The following MEI4 variants were observed in gnomAD, a reference collection of about 807,000 sequenced individuals.
The protein encoded by MEI4 is meiotic double-stranded break formation protein 4.
In MEI4, 27 loss-of-function variants were observed where a neutral mutation model predicts 31.4. That is an observed-to-expected ratio of 0.86 (90% CI 0.63 to 1.19). The LOEUF is 1.19. Among genes scored for constraint, MEI4 ranks in the 50% most tolerant of loss-of-function variants. The pLI is 0.00. For missense variants in MEI4, 329 were observed against 398.9 expected, an observed-to-expected ratio of 0.82 and a Z score of 1.49; for synonymous variants, 122 against 145.4, an observed-to-expected ratio of 0.84 and a Z score of 1.16.
intron 4 of MEI4, among the ~76,000 whole-genome samples, chr6:77,863,883 T>C (rs1361934946): frequency 1.3e-5 from 2 of 152,180 alleles, no homozygotes; most frequent in Admixed American, 6.6e-5. Context: ...GCTGATCTCT[T>C]GGCAGAAACT....
intron 4 of MEI4, among the ~76,000 whole-genome samples, chr6:77,860,893 T>G (rs1032487600): frequency 1.1e-4 from 16 of 152,156 alleles, no homozygotes; most frequent in Non-Finnish European, 1.3e-4. Context: ...AACGTGTTCC[T>G]CCCATTTCTG....
intron 2 of MEI4, among the ~76,000 whole-genome samples, chr6:77,745,281 C>T (rs2127674810): frequency 6.6e-6 from 1 of 152,118 alleles, no homozygotes. Flanking sequence ...GAAGACCTAC[C>T]AAGCAAATGG....
At chr6:77,914,202 A>G (rs1177644427) in intron 4 of MEI4, among the ~76,000 whole-genome samples, 1 of 151,292 alleles carries the variant, frequency 6.6e-6, no homozygotes, top group East Asian at 2.0e-4. Flanking sequence ...ATTGTTTGAA[A>G]TCTTTCTACC....
At chr6:77,692,967 T>A (rs973999045) in intron 2 of MEI4, among the ~76,000 whole-genome samples, 22 of 151,820 alleles carry the variant, frequency 1.4e-4, no homozygotes, top group African/African-American at 5.3e-4. Context: ...GAGCCATGAG[T>A]GTAGGTGGGA....
At chr6:77,735,428 G>T (rs548809216) in intron 2 of MEI4, among the ~76,000 whole-genome samples, 1 of 151,948 alleles carries the variant, frequency 6.6e-6, no homozygotes, top group African/African-American at 2.4e-5. Flanking sequence ...GATCGCATCG[G>T]CTCCTGAGGC....
intron 4 of MEI4, among the ~76,000 whole-genome samples, chr6:77,869,321 G>T (rs1231227424): frequency 6.6e-6 from 1 of 152,122 alleles, no homozygotes; most frequent in African/African-American, 2.4e-5. Flanking sequence ...ATATTCATAT[G>T]TCGAAGCCCT....
intron 2 of MEI4, among the ~76,000 whole-genome samples, chr6:77,702,229 G>A (rs908414818): frequency 3.3e-5 from 5 of 152,114 alleles, no homozygotes; most frequent in East Asian, 3.9e-4. Flanking sequence ...TGTTCCAGAC[G>A]ACGTACTGAG....
chr6:77,836,002 CA>C (rs1432759776), intron 4 of MEI4, among the ~76,000 whole-genome samples: 14 of 151,888 alleles, frequency 9.2e-5, no homozygotes, highest in African/African-American at 3.4e-4. Context: ...ATTATAAATA[CA>C]AAACATGACA....
intron 2 of MEI4, among the ~76,000 whole-genome samples, chr6:77,705,647 A>T (rs1309857584): frequency 6.6e-6 from 1 of 152,210 alleles, no homozygotes; most frequent in Non-Finnish European, 1.5e-5. Context: ...CCCAATGTGT[A>T]TGTGGGATCC....
intron 4 of MEI4, among the ~76,000 whole-genome samples, chr6:77,907,236 A>G (rs1271610003): frequency 6.6e-6 from 1 of 152,034 alleles, no homozygotes; most frequent in Non-Finnish European, 1.5e-5. Context: ...TGTTGCACCC[A>G]TTAACTCTTC....
intron 3 of MEI4, among the ~76,000 whole-genome samples, chr6:77,787,393 A>G (rs1768769226): frequency 6.6e-6 from 1 of 152,126 alleles, no homozygotes; most frequent in Non-Finnish European, 1.5e-5. Flanking sequence ...GGGACTATGC[A>G]TTATCCTTAC....
intron 2 of MEI4, among the ~76,000 whole-genome samples, chr6:77,733,753 T>C (rs944631824): frequency 6.6e-6 from 1 of 152,076 alleles, no homozygotes; most frequent in African/African-American, 2.4e-5. Context: ...CTGCTTTCTC[T>C]TGTGGGCATT....
At chr6:77,714,936 T>A (rs1205331206) in intron 2 of MEI4, among the ~76,000 whole-genome samples, 1 of 152,184 alleles carries the variant, frequency 6.6e-6, no homozygotes, top group Non-Finnish European at 1.5e-5. Context: ...AGAAATGCCT[T>A]TTTGCCTTGC....
chr6:77,885,184 T>C (rs1358217248), intron 4 of MEI4, among the ~76,000 whole-genome samples: 4 of 142,530 alleles, frequency 2.8e-5, no homozygotes, highest in African/African-American at 5.1e-5. Context: ...CTAGTGACTC[T>C]TTTTTTTTTT....
At chr6:77,730,801 C>T (rs947203577) in intron 2 of MEI4, among the ~76,000 whole-genome samples, 1 of 139,618 alleles carries the variant, frequency 7.2e-6, no homozygotes. Context: ...AAACAGTCCC[C>T]AGAGTGTGAT....
At chr6:77,823,622 T>C (rs1769878501) in intron 3 of MEI4, among the ~76,000 whole-genome samples, 2 of 152,174 alleles carry the variant, frequency 1.3e-5, no homozygotes, top group Non-Finnish European at 2.9e-5. Context: ...TTTTTGTACT[T>C]TCTTATTTTC....
intron 3 of MEI4, among the ~76,000 whole-genome samples, chr6:77,768,471 G>T (rs1488979304): frequency 2.0e-5 from 3 of 152,088 alleles, no homozygotes; most frequent in Non-Finnish European, 1.5e-5. Context: ...AGGCTGAGGT[G>T]GGTAGATCAC....
chr6:77,896,515 G>C lies in MEI4; in HGVS notation c.901-26574G>C, dbSNP rs1766088156. On this transcript the variant is annotated intron_variant, in intron 4 of 4. Transcript: ENST00000684080. ...TAACCAGAGAATATGTTTAAATAAA[G>C]AAATCAAGCTAGTTTCGTAAATACT... Among the ~76,000 whole-genome samples, 3 of 152,024 alleles carry C rather than the reference G, an allele frequency of 2.0e-5. No individual in the cohort carries two copies. In the South Asian group the frequency reaches 6.2e-4, roughly 32 times the overall value.
intron 4 of MEI4, among the ~76,000 whole-genome samples, chr6:77,919,304 G>A (rs1351959828): frequency 6.6e-6 from 1 of 151,996 alleles, no homozygotes; most frequent in Non-Finnish European, 1.5e-5. Flanking sequence ...CTATCTCTCA[G>A]ACCACAATGC....
Sources: allele counts gnomAD v4.1 joint callset (sites outside exome capture counted in the v4.1 genomes callset), GRCh38; gene constraint gnomAD v4.1.1; transcripts MANE v1.5; gene names NCBI Gene and HGNC (gene_info 2026-07-23, HGNC 2026-07-21).